TEX15: variants seen among roughly 807,000 people sequenced by gnomAD.
TEX15 encodes the protein testis-expressed protein 15.
A neutral mutation model predicts 237.3 loss-of-function variants in TEX15; 171 were observed. The observed-to-expected ratio is 0.72, with a 90% CI of 0.64 to 0.82. TEX15 has a LOEUF of 0.82. Ranked by LOEUF, TEX15 falls within the 40% of genes least tolerant of loss-of-function variation. TEX15 has a pLI of 0.00. For synonymous variants in TEX15, 1,338 were observed against 1,269.8 expected (o/e 1.05, Z -1.14); for missense variants, 3,750 against 3,646.5 (o/e 1.03, Z -0.73).
chr8:30,856,715 A>G (rs1416125678), intron 7 of TEX15, among the ~76,000 whole-genome samples: 1 of 152,188 alleles, frequency 6.6e-6, no homozygotes, highest in Non-Finnish European at 1.5e-5. Context: ...ATAGCATAAA[A>G]TATCAAATGT....
At chr8:30,896,807 G>A (rs1270862691) in intron 2 of TEX15, among the ~76,000 whole-genome samples, 1 of 152,082 alleles carries the variant, frequency 6.6e-6, no homozygotes, top group Non-Finnish European at 1.5e-5. Flanking sequence ...CTTAGTATCT[G>A]GATAAAAGTA....
chr8:30,868,605 C>T (rs1173021731), intron 4 of TEX15, among the ~76,000 whole-genome samples: 1 of 151,950 alleles, frequency 6.6e-6, no homozygotes, highest in Non-Finnish European at 1.5e-5. Context: ...ACCACAAAAG[C>T]AAGACTGACT....
In TEX15 at chr8:30,845,108, G is replaced by C. The variant is rs1221478496; in HGVS notation, c.5059C>G (p.Pro1687Ala). 1 of 1,613,420 alleles carries C rather than the reference G, an allele frequency of 6.2e-7. No homozygotes were observed. The highest frequency in any genetic ancestry group is 1.7e-5 in the Admixed American group (1 of 59,992). The part of the protein sequence containing the change: ...KRNLEVKWTD[P>A]IERPKQNIIT... ...ATGTTTTGTTTGGGTCTCTCAATAG[G>C]ATCTGTCCACTTTACTTCCAGGTTT... is the stretch of plus-strand genomic sequence containing the variant. The change falls in exon 8 of 11, where the codon CCT becomes GCT. Residue 1687 changes from proline to alanine, a missense_variant. Coordinates refer to ENST00000643185, the MANE Select transcript of TEX15 (RefSeq NM_001350162.2).
Position 30,848,457 on chromosome 8 carries a change from A to G in TEX15, c.1710T>C (p.Asn570=), listed in dbSNP as rs562170652. The G allele has an allele frequency of 6.2e-7, 1 of 1,614,092 alleles. No individual in the cohort carries two copies. The highest frequency in any genetic ancestry group is 1.3e-5 in the African/African-American group (1 of 75,032). Residue 570 remains asparagine, a synonymous_variant, in exon 8 of 11, where the codon AAT becomes AAC. Coordinates refer to ENST00000643185, the MANE Select transcript of TEX15 (RefSeq NM_001350162.2). ...GACTACTGTACTCTTTTGTATAAGC[A>G]TTACCGGACTCCTGTTGGGCTCTCT... is the stretch of plus-strand genomic sequence containing the variant. ...KAQRAQQESG[N]AYTKEYSSHI...
chr8:30,911,019 G>A (rs561993839), intron 1 of TEX15, among the ~76,000 whole-genome samples: 2 of 152,230 alleles, frequency 1.3e-5, no homozygotes, highest in East Asian at 3.9e-4. Flanking sequence ...AAGCAGCGAT[G>A]ATATATTTTG....
chr8:30,881,535 G>T (rs982544474), intron 3 of TEX15, among the ~76,000 whole-genome samples: 5 of 151,448 alleles, frequency 3.3e-5, no homozygotes, highest in Admixed American at 2.0e-4. Context: ...ACTTGATAAA[G>T]GTTTGTCAAT....
At chr8:30,887,011 T>C in intron 3 of TEX15, 156 bp downstream of exon 3, 1 of 589,258 alleles carries the variant, frequency 1.7e-6, no homozygotes, top group Non-Finnish European at 2.7e-6. Context: ...ATCTATTCTA[T>C]TTTGAGTGGA....
In TEX15 at chr8:30,842,583, A is replaced by G. The variant is rs148864878; in HGVS notation, c.7584T>C (p.Tyr2528=). 6 of 1,610,516 alleles carry G rather than the reference A, an allele frequency of 3.7e-6. No homozygotes were observed. The South Asian group carries it at 4.4e-5, about 12-fold the overall frequency. ...LKKDLDIICK[Y]NEAVNCSYAI... ...CATATGAGCAATTAACAGCTTCATT[A>G]TATTTGCAGATAATATCCAGATCTT... The change falls in exon 8 of 11, where the codon TAT becomes TAC. Residue 2528 remains tyrosine (Y), a synonymous_variant. Transcript: ENST00000643185.
intron 9 of TEX15, 22 bp from the exon 10 acceptor site, chr8:30,838,083 T>C (rs375502937): frequency 1.2e-5 from 19 of 1,547,132 alleles, no homozygotes; most frequent in Non-Finnish European, 1.6e-5. Context: ...AACACATACA[T>C]AAAAATGAAT....
chr8:30,837,505 A>G lies in TEX15; in HGVS notation c.8779T>C (p.Ser2927Pro), dbSNP rs753326702. The G allele has an allele frequency of 1.9e-6, 3 of 1,613,164 alleles. No homozygotes were observed. Among genetic ancestry groups the G allele is most frequent in the Admixed American group, 3.3e-5 (2 of 60,014 alleles). Residue 2927 changes from serine to proline, a missense_variant, in exon 10 of 11, where the codon TCT becomes CCT. By Grantham distance (74) the Ser-to-Pro change is moderately conservative (BLOSUM62 -1). Coordinates refer to ENST00000643185, the MANE Select transcript of TEX15 (RefSeq NM_001350162.2). Reference sequence around the variant, plus strand: ...GTCATGCATGAGGAATTTTTAATAGATGAATTTACTATATCATTATCTTGA... The same window carrying G: ...GTCATGCATGAGGAATTTTTAATAGGTGAATTTACTATATCATTATCTTGA... ...ELQDNDIVNS[S>P]IKNSSCMTSP...
intron 7 of TEX15, among the ~76,000 whole-genome samples, chr8:30,856,055 C>A (rs1301131698): frequency 1.3e-5 from 2 of 152,040 alleles, no homozygotes; most frequent in Non-Finnish European, 2.9e-5. Flanking sequence ...AAGCGATTCT[C>A]CTGCCTCAGC....
intron 7 of TEX15, among the ~76,000 whole-genome samples, chr8:30,854,750 C>T (rs1474315159): frequency 1.3e-5 from 2 of 152,098 alleles, no homozygotes; most frequent in East Asian, 1.9e-4. Flanking sequence ...AATAAAATTG[C>T]AGCAAACTGA....
At chr8:30,836,138 T>C (rs1430513516) in intron 10 of TEX15, among the ~76,000 whole-genome samples, 1 of 151,462 alleles carries the variant, frequency 6.6e-6, no homozygotes, top group Admixed American at 6.6e-5. Context: ...TAAGTTTACA[T>C]GATATAGTTT....
chr8:30,898,564 A>C (rs1212208590), intron 2 of TEX15, among the ~76,000 whole-genome samples, 178 bp downstream of exon 2: 2 of 152,152 alleles, frequency 1.3e-5, no homozygotes, highest in East Asian at 1.9e-4. Flanking sequence ...GTACCCAATA[A>C]CTATTATCAT....
rs868204935 is a variant in TEX15 at position 30,848,224 on chromosome 8, G to T, written c.1943C>A (p.Thr648Asn). ...TATTGGACTGATTTTTGTTTCATTA[G>T]TGAAATCATTATCAATTTCTTTCCA... is the stretch of plus-strand genomic sequence containing the variant. ...TSWKEIDNDFTNETKISPIDN... is the reference protein window; with the variant it reads ...TSWKEIDNDFNNETKISPIDN... The change falls in exon 8 of 11, where the codon ACT (threonine) becomes AAT (asparagine). Residue 648 changes from threonine to asparagine, a missense_variant. Transcript: ENST00000643185. The T allele has an allele frequency of 6.2e-6, 10 of 1,612,372 alleles. No homozygotes were observed. The Admixed American group carries it at 1.0e-4, about 16-fold the overall frequency.
At chr8:30,902,008 T>G (rs1285066606) in intron 1 of TEX15, among the ~76,000 whole-genome samples, 1 of 152,132 alleles carries the variant, frequency 6.6e-6, no homozygotes, top group African/African-American at 2.4e-5. Flanking sequence ...GGTCCCTAGA[T>G]CAGCAGCATC....
intron 3 of TEX15, among the ~76,000 whole-genome samples, chr8:30,883,941 G>A (rs1168291591): frequency 6.6e-6 from 1 of 152,170 alleles, no homozygotes; most frequent in Non-Finnish European, 1.5e-5. Flanking sequence ...TTCCACAATG[G>A]TTGAACTAAT....
intron 3 of TEX15, among the ~76,000 whole-genome samples, chr8:30,883,555 T>C (rs867847289): frequency 8.5e-5 from 13 of 152,058 alleles, no homozygotes; most frequent in Middle Eastern, 3.2e-3. Flanking sequence ...CCTCCCCGTG[T>C]CCATGTGTTC....
At chr8:30,907,952 C>T (rs572333156) in intron 1 of TEX15, among the ~76,000 whole-genome samples, 9 of 151,864 alleles carry the variant, frequency 5.9e-5, no homozygotes, top group Non-Finnish European at 8.8e-5. Context: ...AAGAATTCAT[C>T]GCCCAGGCTG....
Sources: gnomAD v4.1 joint callset for allele counts (sites outside exome capture counted in the v4.1 genomes callset) on GRCh38, gnomAD v4.1.1 for gene constraint, MANE v1.5 for transcripts, NCBI Gene and HGNC (gene_info 2026-07-23, HGNC 2026-07-21) for gene names.